Variants in DISC1 observed in about 807,000 individuals in gnomAD.
DISC1 encodes DISC1 scaffold protein.
Under a neutral mutation model 84.5 loss-of-function variants are expected in DISC1, and 57 were observed. The ratio of observed to expected loss-of-function variants is 0.67; its 90% CI spans 0.55 to 0.84. DISC1 has a LOEUF of 0.84. Among genes scored for constraint, DISC1 ranks in the 40% least tolerant of loss-of-function variants. DISC1 has a pLI of 0.00. For missense variants in DISC1, 1,000 were observed against 1,057.8 expected (o/e 0.95, Z 0.76); for synonymous variants, 411 against 415.2 (o/e 0.99, Z 0.12).
chr1:231,816,854 C>T (rs1473289255), intron 8 of DISC1, among the ~76,000 whole-genome samples: 1 of 151,946 alleles, frequency 6.6e-6, no homozygotes, highest in Admixed American at 6.6e-5. Flanking sequence ...TTGCTTTGGT[C>T]ATCCTCCTCC....
At chr1:231,767,046 G>T in intron 4 of DISC1, 94 bp from the exon 5 acceptor site, 1 of 1,541,424 alleles carries the variant, frequency 6.5e-7, no homozygotes. Context: ...ACAGATGGGG[G>T]CCACTTGCTG....
At chr1:231,775,102 A>G (rs1306852027) in intron 6 of DISC1, among the ~76,000 whole-genome samples, 1 of 152,242 alleles carries the variant, frequency 6.6e-6, no homozygotes, top group Non-Finnish European at 1.5e-5. Context: ...GTATTGTTAC[A>G]AAACCTAGAG....
At chr1:231,937,175 A>G (rs774804441) in intron 9 of DISC1, among the ~76,000 whole-genome samples, 3 of 152,228 alleles carry the variant, frequency 2.0e-5, no homozygotes, top group Non-Finnish European at 2.9e-5. Context: ...TGAGCCAGTT[A>G]TATATGACTC....
intron 1 of DISC1, among the ~76,000 whole-genome samples, chr1:231,640,237 G>A (rs2059521979): frequency 6.6e-6 from 1 of 152,070 alleles, no homozygotes; most frequent in Admixed American, 6.6e-5. Context: ...CTTAGCCTCA[G>A]TTACTATTGT....
rs115099891 is a variant in DISC1 at position 231,637,336 on chromosome 1, G to A, written c.67+10402G>A. 2.6e-3 allele frequency among the ~76,000 whole-genome samples: 390 copies of A among 152,244 alleles called. 6 individuals are homozygous for A. Among genetic ancestry groups the A allele is most frequent in the African/African-American group, 8.8e-3 (367 of 41,526 alleles). On this transcript the variant is annotated intron_variant, in intron 1 of 12. Transcript: ENST00000439617. ...TATACACCCAGTAATGGGATTGCTC[G>A]GTCAAATGATTAGTTTTTTATTTAT...
intron 9 of DISC1, among the ~76,000 whole-genome samples, chr1:231,880,172 C>T (rs893952002): frequency 3.9e-5 from 6 of 152,062 alleles, no homozygotes; most frequent in Admixed American, 6.6e-5. Flanking sequence ...GGAAGAGAGA[C>T]CTGTATGTAG....
At chr1:231,843,807 C>T (rs2083256861) in intron 9 of DISC1, among the ~76,000 whole-genome samples, 1 of 152,098 alleles carries the variant, frequency 6.6e-6, no homozygotes, top group East Asian at 1.9e-4. Flanking sequence ...TCCTTTGAGC[C>T]AGTTGAGTTT....
At chr1:232,010,559 C>G (rs1289934257) in intron 11 of DISC1, among the ~76,000 whole-genome samples, 1 of 152,142 alleles carries the variant, frequency 6.6e-6, no homozygotes, top group Non-Finnish European at 1.5e-5. Context: ...GAATATCTTT[C>G]CTTTACCCAT....
chr1:231,925,194 A>T (rs2090291015), intron 9 of DISC1, among the ~76,000 whole-genome samples: 2 of 152,032 alleles, frequency 1.3e-5, no homozygotes, highest in Non-Finnish European at 2.9e-5. Context: ...ACGGGCCCCA[A>T]CCCGAACACA....
chr1:231,679,771 G>A (rs570406476), intron 1 of DISC1, among the ~76,000 whole-genome samples: 7 of 152,264 alleles, frequency 4.6e-5, no homozygotes, highest in South Asian at 2.1e-4. Flanking sequence ...TCCCACTGTC[G>A]TCTTCCATAA....
At chr1:231,893,862 A>C (rs927232075) in intron 9 of DISC1, among the ~76,000 whole-genome samples, 1 of 152,222 alleles carries the variant, frequency 6.6e-6, no homozygotes, top group Non-Finnish European at 1.5e-5. Flanking sequence ...CAATGAATAC[A>C]ATCTACCACT....
At chr1:231,975,076 G>A (rs565997478) in intron 10 of DISC1, among the ~76,000 whole-genome samples, 27 of 152,240 alleles carry the variant, frequency 1.8e-4, no homozygotes, top group African/African-American at 6.3e-4. Context: ...TCCAGGCCTA[G>A]CAACAGAGAG....
At chr1:231,759,547 A>AAC (rs1553338453) in intron 4 of DISC1, among the ~76,000 whole-genome samples, 6 of 142,238 alleles carry the variant, frequency 4.2e-5, no homozygotes, top group African/African-American at 8.4e-5. Flanking sequence ...AAAAAAAAAA[A>AAC]AAAACAAAAC....
intron 9 of DISC1, among the ~76,000 whole-genome samples, chr1:231,864,982 T>C (rs200742969): frequency 1.0e-3 from 159 of 152,182 alleles, no homozygotes; most frequent in Non-Finnish European, 1.8e-3. Flanking sequence ...TGAATAGCAC[T>C]CCACACCACG....
chr1:231,843,948 T>C (rs1024499527), intron 9 of DISC1, among the ~76,000 whole-genome samples: 3 of 152,020 alleles, frequency 2.0e-5, no homozygotes, highest in Non-Finnish European at 4.4e-5. Flanking sequence ...GCCGTGCAGA[T>C]AGATGAGAGT....
intron 12 of DISC1, among the ~76,000 whole-genome samples, chr1:232,026,761 T>C (rs1669501651): frequency 8.2e-6 from 1 of 121,426 alleles, no homozygotes; most frequent in Non-Finnish European, 1.6e-5. Flanking sequence ...TTTTCTTTTT[T>C]CTTTTTTTTT....
chr1:231,988,827 G>C (rs201029524), intron 10 of DISC1, among the ~76,000 whole-genome samples: 2 of 152,170 alleles, frequency 1.3e-5, no homozygotes, highest in Non-Finnish European at 2.9e-5. Flanking sequence ...TAATTTCAAT[G>C]GTGCAAGTTC....
rs1669980179 is a variant in DISC1 at position 232,031,138 on chromosome 1, G to A, written c.2425+4586G>A. The stretch of plus-strand genomic sequence containing the variant: ...GGAGGGAGGGAAGGAAGGAAGGAAG[G>A]AGGGAGAGAGGAGAGAGAGAGAGAG... On this transcript the variant is annotated intron_variant, in intron 12 of 12. Transcript: ENST00000439617. This position sits in a 1 kb window ranked among gnomAD's most constrained non-coding sequence, Gnocchi z 4.6. 6.7e-6 allele frequency among the ~76,000 whole-genome samples: 1 copy of A among 148,164 alleles called. No homozygotes were observed.
chr1:231,655,347 T>A (rs1459789292), intron 1 of DISC1, among the ~76,000 whole-genome samples: 1 of 152,282 alleles, frequency 6.6e-6, no homozygotes, highest in Non-Finnish European at 1.5e-5. Context: ...GAAAGTACAG[T>A]GTTTGGTTTT....
Sources: allele counts gnomAD v4.1 joint callset (sites outside exome capture counted in the v4.1 genomes callset), GRCh38; gene constraint gnomAD v4.1.1; non-coding constraint Gnocchi (gnomAD v3.1); transcripts MANE v1.5; gene names NCBI Gene and HGNC (gene_info 2026-07-23, HGNC 2026-07-21).